ING1: variants seen among roughly 807,000 people sequenced by gnomAD.
ING1 encodes the protein inhibitor of growth family member 1, also known as inhibitor of growth protein 1.
In ING1, 4 loss-of-function variants were observed where a neutral mutation model predicts 23.1. The ratio of observed to expected loss-of-function variants is 0.17; its 90% CI spans 0.09 to 0.40. ING1 has a LOEUF of 0.40. ING1 is among the 10% of genes least tolerant of loss of function. The pLI is 1.00. For missense variants in ING1, 256 were observed against 393.8 expected (o/e 0.65, Z 2.96); for synonymous variants, 179 against 166.4 (o/e 1.08, Z -0.58).
chr13:110,712,953 G>C, upstream of ING1: 1 of 1,560,106 alleles, frequency 6.4e-7, no homozygotes, highest in East Asian at 2.4e-5. Flanking sequence ...AGGCTGCTGG[G>C]AGTGGTGGTC....
rs1231729148 is a variant in ING1, at chr13:110,722,540, C to T, written c.*2608C>T. ...AAGAGAGATGGCTCAGAGGCCAAGCCTTGCAATCTAGGAGCCCAGCCCTGT... is the reference window on the plus strand; with the variant it reads ...AAGAGAGATGGCTCAGAGGCCAAGCTTTGCAATCTAGGAGCCCAGCCCTGT... On this transcript the variant is annotated 3_prime_UTR_variant, in exon 2 of 2. Transcript: ENST00000333219. 1.8e-4 allele frequency: 26 copies of T among 148,500 alleles called. No individual in the cohort carries two copies. The highest frequency in any genetic ancestry group is 3.0e-5 in the Non-Finnish European group (2 of 67,040). The allele number at this position is 148,500 out of a possible 1,614,324, so 9.2% of individuals were successfully genotyped here.
rs139222389 is a variant in ING1 at position 110,714,981 on chromosome 13, G to A, written c.136+696G>A. The A allele has an allele frequency of 3.6e-5, 36 of 990,312 alleles. No individual in the cohort carries two copies. The African/African-American group carries it at 5.7e-4, about 16-fold the overall frequency. 61.3% of individuals were successfully genotyped at this position (990,312 alleles called of 1,614,324 possible). On this transcript the variant is annotated intron_variant, in intron 1 of 1. Transcript: ENST00000333219. The stretch of plus-strand genomic sequence containing the variant: ...CGTAGGGAAGGGAAGGGAAGGGGAG[G>A]AGCGGAGGCGGGGAAGGCGCCCATC...
At chr13:110,714,840 C>A in intron 1 of ING1, 1 of 360,240 alleles carries the variant, frequency 2.8e-6, no homozygotes. Context: ...AGGTCGGCCG[C>A]CCCCGCCCAG....
intron 1 of ING1, among the ~76,000 whole-genome samples, chr13:110,716,436 C>T (rs1252883335): frequency 6.6e-6 from 1 of 152,090 alleles, no homozygotes; most frequent in African/African-American, 2.4e-5. Context: ...TGAGCTCTGC[C>T]GCGTAGTTCT....
intron 1 of ING1, chr13:110,715,595 G>A (rs554816174): frequency 1.2e-6 from 2 of 1,614,108 alleles, no homozygotes; most frequent in South Asian, 1.1e-5. Flanking sequence ...GAGGGTGGAC[G>A]AGTTGATTTG....
intron 1 of ING1, chr13:110,714,947 T>C (rs2064093054): frequency 1.0e-6 from 1 of 981,120 alleles, no homozygotes; most frequent in African/African-American, 1.7e-5. Flanking sequence ...AGGGCTTTTC[T>C]CTGTGTGCCG....
intron 1 of ING1, chr13:110,715,436 T>G (rs2064105279): frequency 1.9e-6 from 3 of 1,572,274 alleles, no homozygotes; most frequent in East Asian, 4.5e-5. Flanking sequence ...CCCCAGTAGT[T>G]GGCTGTGATG....
At chr13:110,715,182 T>G (rs1336053319) in intron 1 of ING1, 1 of 1,223,316 alleles carries the variant, frequency 8.2e-7, no homozygotes, top group African/African-American at 1.6e-5. Context: ...GCGAGGTCAG[T>G]CAAGGCTTTG....
chr13:110,715,485 A>G, intron 1 of ING1: 1 of 1,612,754 alleles, frequency 6.2e-7, no homozygotes, highest in Non-Finnish European at 8.5e-7. Flanking sequence ...CTGCGGAACG[A>G]TTGGTCGCTG....
rs1046167942 is a variant in ING1 at position 110,719,788 on chromosome 13, C to T, written c.696C>T (p.Pro232=). Residue 232 remains proline, a synonymous_variant, in exon 2 of 2, where the codon CCC becomes CCT. Coordinates refer to ENST00000333219, the MANE Select transcript of ING1 (RefSeq NM_198219.3). The surrounding 1 kb of genome is among the most constrained non-coding windows in gnomAD (Gnocchi z 8.9). The stretch of plus-strand genomic sequence containing the variant: ...TCGGCTGCGACAACGACGAGTGCCC[C>T]ATCGAGTGGTTCCACTTCTCGTGCG... ...EMIGCDNDEC[P]IEWFHFSCVG... 20 of 1,613,894 alleles carry T rather than the reference C, an allele frequency of 1.2e-5. No individual in the cohort carries two copies. The highest frequency in any genetic ancestry group is 3.3e-4 in the Middle Eastern group (2 of 6,084).
chr13:110,716,130 C>A, intron 1 of ING1: 1 of 1,072,000 alleles, frequency 9.3e-7, no homozygotes, highest in Non-Finnish European at 1.3e-6. Flanking sequence ...GGAAGGAAGG[C>A]AGGGGCTGAG....
upstream of ING1, chr13:110,713,606 C>G (rs1205664177): frequency 1.0e-6 from 1 of 985,078 alleles, no homozygotes. Context: ...GTGAATGCGG[C>G]GGGGGGCGGG....
chr13:110,718,634 C>T (rs539157758), intron 1 of ING1, among the ~76,000 whole-genome samples: 4 of 151,960 alleles, frequency 2.6e-5, no homozygotes, highest in Non-Finnish European at 1.5e-5. Context: ...TACACATTCT[C>T]TCATTTAACA....
rs200368063 is a variant in ING1, at chr13:110,715,461, T to G, written c.136+1176T>G. Reference sequence around the variant, plus strand: ...TGGCTGTGATGTCCTTCGTGGAATGTCCTTATCATTCCCCTGCGGAACGAT... The same window carrying G: ...TGGCTGTGATGTCCTTCGTGGAATGGCCTTATCATTCCCCTGCGGAACGAT... On this transcript the variant is annotated intron_variant, in intron 1 of 1. Transcript: ENST00000333219. 259 of 1,607,790 alleles carry G rather than the reference T, an allele frequency of 1.6e-4. No individual in the cohort carries two copies. Among genetic ancestry groups the G allele is most frequent in the Non-Finnish European group, 2.1e-4 (248 of 1,176,666 alleles).
In ING1 at chr13:110,719,170, G is replaced by A. The variant is rs2064149420; in HGVS notation, c.137-59G>A. The stretch of plus-strand genomic sequence containing the variant: ...AGCCCTCTCCGTAGACCCGTCCGGG[G>A]CCGTGTGGGTTGTCCCGGTGTCCTG... On this transcript the variant is annotated intron_variant, in intron 1 of 1. Coordinates refer to ENST00000333219, the MANE Select transcript of ING1 (RefSeq NM_198219.3). This position sits in a 1 kb window ranked among gnomAD's most constrained non-coding sequence, Gnocchi z 8.9. 2 of 1,555,710 alleles carry A rather than the reference G, an allele frequency of 1.3e-6. No homozygotes were observed. The highest frequency in any genetic ancestry group is 2.7e-5 in the African/African-American group (2 of 73,838).
chr13:110,712,730 G>A (rs1422868716), upstream of ING1: 4 of 697,532 alleles, frequency 5.7e-6, no homozygotes, highest in Non-Finnish European at 1.0e-5. Context: ...CAAGTGTGGG[G>A]AGCGGCCTCC....
In ING1 at chr13:110,713,707, C is replaced by G. The variant is rs1335200472; in HGVS notation, c.-443C>G. ...TGTTTGAAACTGGTATTTGGGTTTT[C>G]CACGTTGGACAAGTGCGGCTCGGCG... On this transcript the variant is annotated 5_prime_UTR_variant, in exon 1 of 2. Transcript: ENST00000333219. 1.1e-5 allele frequency: 11 copies of G among 985,162 alleles called. No homozygotes were observed. Among genetic ancestry groups the G allele is most frequent in the Non-Finnish European group, 1.2e-5 (10 of 829,928 alleles). 61.0% of individuals were successfully genotyped at this position (985,162 alleles called of 1,614,324 possible). A position where few individuals can be genotyped will look rare whatever the true frequency, so the allele number is the denominator to read the frequency against.
At chr13:110,715,932 C>G in intron 1 of ING1, 1 of 1,559,288 alleles carries the variant, frequency 6.4e-7, no homozygotes, top group African/African-American at 1.4e-5. Context: ...TCCCGCGACC[C>G]GCGGGGCCGG....
intron 1 of ING1, chr13:110,715,253 A>G: frequency 1.1e-5 from 15 of 1,373,020 alleles, no homozygotes; most frequent in Non-Finnish European, 1.4e-5. Flanking sequence ...AAGGCTGCGC[A>G]GTAGGGAAAC....
Sources: gnomAD v4.1 joint callset for allele counts (sites outside exome capture counted in the v4.1 genomes callset) on GRCh38, gnomAD v4.1.1 for gene constraint, Gnocchi (gnomAD v3.1) non-coding constraint, MANE v1.5 for transcripts, NCBI Gene and HGNC (gene_info 2026-07-23, HGNC 2026-07-21) for gene names.